Variants in TTN observed in about 807,000 individuals in gnomAD.
TTN encodes connectin.
TTN carries 1,525 observed loss-of-function variants against 3,223.0 expected under a neutral mutation model. The ratio of observed to expected loss-of-function variants is 0.47; its 90% CI spans 0.45 to 0.49. TTN has a LOEUF of 0.49. TTN is among the 20% of genes least tolerant of loss of function. The probability of loss-of-function intolerance (pLI) is 0.00; values close to 1 mark genes in which losing one functional copy is unlikely to be tolerated. For missense variants in TTN, 40,786 were observed against 43,424.0 expected, an observed-to-expected ratio of 0.94 and a Z score of 5.40; for synonymous variants, 14,094 against 15,161.0, an observed-to-expected ratio of 0.93 and a Z score of 5.17.
Position 178,722,647 on chromosome 2 carries a change from A to G in TTN, c.22240+12T>C, listed in dbSNP as rs2078607667. Reference sequence around the variant, plus strand: ...GAAAAAAGAATTTTTTTAATTTGTAAAATATCATCACCTTGAATTCTGAAC... The same window carrying G: ...GAAAAAAGAATTTTTTTAATTTGTAGAATATCATCACCTTGAATTCTGAAC... On this transcript the variant is annotated intron_variant, in intron 76 of 362. Transcript: ENST00000589042. 1.9e-6 allele frequency: 3 copies of G among 1,593,512 alleles called. No homozygotes were observed. The South Asian group carries it at 3.4e-5, about 18-fold the overall frequency.
chr2:178,549,957 G>T, intron 337 of TTN, 29 bp downstream of exon 337: 1 of 1,576,174 alleles, frequency 6.3e-7, no homozygotes, highest in Non-Finnish European at 8.6e-7. Flanking sequence ...TTCATAAATT[G>T]TAGCATTAAG....
In TTN at chr2:178,611,418, G is replaced by A. The variant is rs780845171; in HGVS notation, c.50811C>T (p.Ser16937=). 1.8e-5 allele frequency: 29 copies of A among 1,612,788 alleles called. No homozygotes were observed. Among genetic ancestry groups the A allele is most frequent in the Admixed American group, 1.0e-4 (6 of 59,946 alleles). The part of the protein sequence containing the change: ...RVRAVNAIGV[S]EPSEISENVV... Reference sequence around the variant, plus strand: ...CATTTTCAGAGATTTCAGATGGCTCGCTGACACCAATAGCATTGACTGCTC... The same window carrying A: ...CATTTTCAGAGATTTCAGATGGCTCACTGACACCAATAGCATTGACTGCTC... Residue 16937 remains serine, a synonymous_variant, in exon 269 of 363, where the codon AGC becomes AGT. Coordinates refer to ENST00000589042, the MANE Select transcript of TTN (RefSeq NM_001267550.2).
At chr2:178,715,469 C>A in intron 89 of TTN, 24 bp downstream of exon 89, 1 of 1,587,394 alleles carries the variant, frequency 6.3e-7, no homozygotes, top group Non-Finnish European at 8.6e-7. Context: ...ATGTGAAAAA[C>A]ACACAGGTGG....
Position 178,781,202 on chromosome 2 carries a change from C to T in TTN, c.3442G>A (p.Ala1148Thr), listed in dbSNP as rs889422639. The T allele has an allele frequency of 1.9e-6, 3 of 1,613,920 alleles. No individual in the cohort carries two copies. Among genetic ancestry groups the T allele is most frequent in the African/African-American group, 2.7e-5 (2 of 74,926 alleles). Residue 1148 changes from alanine to threonine, a missense_variant, in exon 21 of 363, where the codon GCT (alanine) becomes ACT (threonine). Ala to Thr is a moderately conservative substitution (Grantham distance 58, BLOSUM62 0). Transcript: ENST00000589042. ...ATAGTGTATTCTCCAGCATCATCAG[C>T]AAAAGTCATAGAAATCACCAGCTTG... ...ECKLVISMTF[A>T]DDAGEYTIVV...
chr2:178,747,840 A>C, intron 47 of TTN: 1 of 1,612,952 alleles, frequency 6.2e-7, no homozygotes, highest in Non-Finnish European at 8.5e-7. Context: ...TCTTCTCCAG[A>C]GGCATGAATG....
Position 178,534,055 on chromosome 2 carries a change from T to C in TTN, c.102560A>G (p.Tyr34187Cys), listed in dbSNP as rs1354824295. 6.2e-7 allele frequency: 1 copy of C among 1,614,024 alleles called. No individual in the cohort carries two copies. Reference sequence around the variant, plus strand: ...ATAGAGGATGGCCACTCCATCTTCGTAGGTGATTTCGTATTTCTCACTGTT... The same window carrying C: ...ATAGAGGATGGCCACTCCATCTTCGCAGGTGATTTCGTATTTCTCACTGTT... Reference protein sequence around the residue: ...LENSEKYEITYEDGVAILYVK... With the variant: ...LENSEKYEITCEDGVAILYVK... Residue 34187 changes from tyrosine (Y) to cysteine (C), a missense_variant, in exon 358 of 363, where the codon TAC becomes TGC. By Grantham distance (194) the Tyr-to-Cys change is radical. Coordinates refer to ENST00000589042, the MANE Select transcript of TTN (RefSeq NM_001267550.2).
At position 178,593,042 on chromosome 2, in the gene TTN, T is replaced by C. The variant is rs1218974177; in HGVS notation, c.59077A>G (p.Thr19693Ala). Reference sequence around the variant, plus strand: ...CAAGTTAGATCGACTGAATTGCATGTTGTATCTATTGCTTCAGGATTAACA... The same window carrying C: ...CAAGTTAGATCGACTGAATTGCATGCTGTATCTATTGCTTCAGGATTAACA... ...PPVNPEAIDT[T>A]CNSVDLTWQP... Residue 19693 changes from threonine (T) to alanine (A), a missense_variant, in exon 300 of 363, where the codon ACA becomes GCA. Thr to Ala is a moderately conservative substitution (Grantham distance 58). Transcript: ENST00000589042. 6.2e-7 allele frequency: 1 copy of C among 1,613,338 alleles called. No individual in the cohort carries two copies. Among genetic ancestry groups the C allele is most frequent in the East Asian group, 2.2e-5 (1 of 44,762 alleles).
chr2:178,797,275 T>A (rs1404307431), intron 6 of TTN, among the ~76,000 whole-genome samples: 1 of 152,218 alleles, frequency 6.6e-6, no homozygotes, highest in Non-Finnish European at 1.5e-5. Context: ...ACATGTTTTT[T>A]AAAGTAAGCT....
intron 217 of TTN, chr2:178,645,155 A>G (rs1303532121): frequency 6.6e-6 from 1 of 152,130 alleles, no homozygotes; most frequent in Non-Finnish European, 1.5e-5. Flanking sequence ...CTTTTTATTA[A>G]AATAAGAATA....
intron 240 of TTN, among the ~76,000 whole-genome samples, chr2:178,626,591 T>C (rs1002739923): frequency 6.6e-6 from 1 of 151,944 alleles, no homozygotes; most frequent in African/African-American, 2.4e-5. Flanking sequence ...TTTTCTTTAA[T>C]TAAGAACTGG....
Position 178,725,620 on chromosome 2 carries a change from T to C in TTN, c.20584A>G (p.Ser6862Gly), listed in dbSNP as rs772654281. ...GGCTCTCCGGCTACAACAGTGAGGCTGTTCAGTTTGGAGACAAATCTTGGT... is the reference window on the plus strand; with the variant it reads ...GGCTCTCCGGCTACAACAGTGAGGCCGTTCAGTTTGGAGACAAATCTTGGT... ...EPPRFVSKLN[S>G]LTVVAGEPAE... is the part of the protein sequence containing the mutation. The change falls in exon 71 of 363, where the codon AGC becomes GGC. Residue 6862 changes from serine to glycine, a missense_variant. Transcript: ENST00000589042. 1.7e-5 allele frequency: 27 copies of C among 1,593,570 alleles called. No homozygotes were observed. In the South Asian group the frequency reaches 3.0e-4, roughly 18 times the overall value.
rs766763223 is a variant in TTN, at chr2:178,618,070, G to A, written c.47281C>T (p.Pro15761Ser). 1 of 1,611,846 alleles carries A rather than the reference G, an allele frequency of 6.2e-7. No individual in the cohort carries two copies. The highest frequency in any genetic ancestry group is 1.3e-5 in the African/African-American group (1 of 74,754). ...TCAGTGATGGTTACATTCAAAGGAG[G>A]GCCTGGAACATCTGGATTTCACCAC... Reference protein sequence around the residue: ...EARSKYDVPGPPLNVTITDVN... With the variant: ...EARSKYDVPGSPLNVTITDVN... The change falls in exon 253 of 363, where the codon CCT becomes TCT. Residue 15761 changes from proline (P) to serine (S), a missense_variant. Coordinates refer to ENST00000589042, the MANE Select transcript of TTN (RefSeq NM_001267550.2).
At position 178,666,996 on chromosome 2, in the gene TTN, A is replaced by C. The variant is rs1577150262; in HGVS notation, c.35798-95T>G. On this transcript the variant is annotated intron_variant, in intron 162 of 362. Coordinates refer to ENST00000589042, the MANE Select transcript of TTN (RefSeq NM_001267550.2). Reference sequence around the variant, plus strand: ...GTTAGATATGTTAATATCATTTCAGATATCTTTATGTTAGAAATGTTATTT... The same window carrying C: ...GTTAGATATGTTAATATCATTTCAGCTATCTTTATGTTAGAAATGTTATTT... 3.1e-6 allele frequency: 3 copies of C among 971,614 alleles called. No individual in the cohort carries two copies. The Admixed American group carries it at 9.4e-5, about 30-fold the overall frequency. 60.2% of individuals were successfully genotyped at this position (971,614 alleles called of 1,614,324 possible).
chr2:178,805,223 A>T (rs761275178), intron 1 of TTN, among the ~76,000 whole-genome samples: 3 of 151,812 alleles, frequency 2.0e-5, no homozygotes, highest in Non-Finnish European at 4.4e-5. Flanking sequence ...CCATGTCTGT[A>T]GTCCCAGCTA....
intron 41 of TTN, among the ~76,000 whole-genome samples, chr2:178,765,420 G>A (rs2090195633): frequency 6.6e-6 from 1 of 152,106 alleles, no homozygotes; most frequent in African/African-American, 2.4e-5. Flanking sequence ...TGAGTGAGGG[G>A]ACCTGGTTAG....
intron 333 of TTN, 35 bp from the exon 334 acceptor site, chr2:178,553,842 A>G (rs1271098867): frequency 1.5e-5 from 23 of 1,563,346 alleles, no homozygotes; most frequent in Non-Finnish European, 1.8e-5. Flanking sequence ...TAATTACACA[A>G]TCATGTACAA....
Position 178,568,822 on chromosome 2 carries a change from T to G in TTN, c.77310A>C (p.Arg25770Ser). The change falls in exon 326 of 363, where the codon AGA (arginine) becomes AGC (serine). Residue 25770 changes from arginine (R) to serine (S), a missense_variant. Arg to Ser is a moderately radical substitution (Grantham distance 110). Transcript: ENST00000589042. Reference sequence around the variant, plus strand: ...TCCCCTTTTCATTTACAGCAACAACTCTAAAAAGATATTCTTCCCCTTGAG... The same window carrying G: ...TCCCCTTTTCATTTACAGCAACAACGCTAAAAAGATATTCTTCCCCTTGAG... Reference protein sequence around the residue: ...NLTQGEEYLFRVVAVNEKGRS... With the variant: ...NLTQGEEYLFSVVAVNEKGRS... 1 of 1,613,206 alleles carries G rather than the reference T, an allele frequency of 6.2e-7. No individual in the cohort carries two copies. The highest frequency in any genetic ancestry group is 8.5e-7 in the Non-Finnish European group (1 of 1,179,580).
intron 218 of TTN, among the ~76,000 whole-genome samples, chr2:178,643,469 T>G (rs916642804): frequency 6.6e-6 from 1 of 151,944 alleles, no homozygotes; most frequent in African/African-American, 2.4e-5. Context: ...GGTACCAATC[T>G]TCTTAATAAC....
Position 178,799,526 on chromosome 2 carries a change from G to A in TTN, c.875C>T (p.Pro292Leu), listed in dbSNP as rs768278225. ...GGTCGGTGCCCGCACGTGTCTGACC[G>A]GGGAAGGGGAGTGTCTTATGGGCGA... is the stretch of plus-strand genomic sequence containing the variant. ...SPSPIRHSPS[P>L]VRHVRAPTPS... The change falls in exon 6 of 363, where the codon CCG becomes CTG. Residue 292 changes from proline to leucine, a missense_variant. Transcript: ENST00000589042. The A allele has an allele frequency of 2.2e-5, 36 of 1,614,142 alleles. No individual in the cohort carries two copies. The highest frequency in any genetic ancestry group is 3.0e-5 in the Non-Finnish European group (35 of 1,180,012).
Sources: gnomAD v4.1 joint callset for allele counts (sites outside exome capture counted in the v4.1 genomes callset) on GRCh38, gnomAD v4.1.1 for gene constraint, MANE v1.5 for transcripts, NCBI Gene and HGNC (gene_info 2026-07-23, HGNC 2026-07-21) for gene names.